The following RNF38 variants were observed in gnomAD, a reference collection of about 807,000 sequenced individuals.
The protein encoded by RNF38 is ring finger protein 38.
A neutral mutation model predicts 67.2 loss-of-function variants in RNF38; 15 were observed. That is an observed-to-expected ratio of 0.22 (90% CI 0.15 to 0.34). The LOEUF (loss-of-function observed/expected upper bound fraction) is 0.34. Among genes scored for constraint, RNF38 ranks in the 10% least tolerant of loss-of-function variants. RNF38 has a pLI of 1.00. For missense variants in RNF38, 524 were observed against 639.9 expected (o/e 0.82, Z 1.95); for synonymous variants, 220 against 218.8 (o/e 1.01, Z -0.05).
At chr9:36,367,671 C>T (rs921214106) in intron 4 of RNF38, among the ~76,000 whole-genome samples, 1 of 151,964 alleles carries the variant, frequency 6.6e-6, no homozygotes, top group Non-Finnish European at 1.5e-5. Context: ...TTATTTAAAA[C>T]TTTTTCATCT....
At position 36,344,813 on chromosome 9, in the gene RNF38, G is replaced by T; in HGVS notation, c.1385+19C>A. On this transcript the variant is annotated intron_variant, in intron 10 of 11. Transcript: ENST00000259605. ...GTAGAAAAGGAAATTTAGCAGTGAT[G>T]TCAGAAAAATTTACTTACAAAGTCT... is the stretch of plus-strand genomic sequence containing the variant. 1 of 1,607,960 alleles carries T rather than the reference G, an allele frequency of 6.2e-7. No homozygotes were observed. The highest frequency in any genetic ancestry group is 8.5e-7 in the Non-Finnish European group (1 of 1,175,994).
chr9:36,424,178 T>A (rs1206284002), intron 2 of RNF38, among the ~76,000 whole-genome samples: 4 of 152,088 alleles, frequency 2.6e-5, no homozygotes, highest in Admixed American at 1.3e-4. Context: ...GCCAAAAAAA[T>A]TTTTTGAAGG....
Position 36,352,812 on chromosome 9 carries a change from G to T in RNF38, c.1108C>A (p.Arg370Ser). 6.2e-7 allele frequency: 1 copy of T among 1,613,922 alleles called. No homozygotes were observed. The highest frequency in any genetic ancestry group is 8.5e-7 in the Non-Finnish European group (1 of 1,179,910). The change falls in exon 8 of 12, where the codon CGT (arginine) becomes AGT (serine). Residue 370 changes from arginine to serine, a missense_variant. By Grantham distance (110) the Arg-to-Ser change is moderately radical. Around this residue, in one of 2 missense-constraint regions of RNF38, gnomAD observed 461 missense variants for 517.4 expected, o/e 0.89. Coordinates refer to ENST00000259605, the MANE Select transcript of RNF38 (RefSeq NM_022781.5). ...GGCTGCTGGGATCGGTATCTACTAC[G>T]TCCTGTAAGCCTCCGAGGCATAAAT... ...PPFMPRRLTG[R>S]SRYRSQQPIP...
At chr9:36,411,362 T>C (rs1412955184) in intron 2 of RNF38, among the ~76,000 whole-genome samples, 1 of 152,104 alleles carries the variant, frequency 6.6e-6, no homozygotes, top group Non-Finnish European at 1.5e-5. Flanking sequence ...AGTATGGCAG[T>C]TCCTCACAAA....
chr9:36,381,140 C>T (rs368319097), intron 2 of RNF38, among the ~76,000 whole-genome samples: 11 of 152,198 alleles, frequency 7.2e-5, no homozygotes, highest in African/African-American at 2.4e-4. Flanking sequence ...CAGATTTTCA[C>T]GATCCATGCT....
intron 7 of RNF38, 149 bp from the exon 8 acceptor site, chr9:36,352,997 A>T: frequency 1.2e-6 from 1 of 804,070 alleles, no homozygotes; most frequent in Non-Finnish European, 2.0e-6. Flanking sequence ...TTATTAATGG[A>T]TGCAGCAACC....
chr9:36,433,942 TACTTATA>T (rs1838996291), intron 1 of RNF38, among the ~76,000 whole-genome samples: 1 of 151,522 alleles, frequency 6.6e-6, no homozygotes, highest in African/African-American at 2.4e-5. Flanking sequence ...CAGTGAAAAA[TACTTATA>T]ACTTTTAGGC....
rs551389636 is a variant in RNF38, at chr9:36,441,319, C to T, written n.242-16636G>A. Among the ~76,000 whole-genome samples the T allele has an allele frequency of 3.3e-5, 5 of 150,848 alleles. No homozygotes were observed. In the East Asian group the frequency reaches 9.7e-4, roughly 29 times the overall value. Reference sequence around the variant, plus strand: ...CAGGCTTTTCATCTGTTCTGGGTTACTAAATTACCAATTTTTTTTTTTTTT... The same window carrying T: ...CAGGCTTTTCATCTGTTCTGGGTTATTAAATTACCAATTTTTTTTTTTTTT... On this transcript the variant is annotated intron_variant and non_coding_transcript_variant, in intron 1 of 3. Transcript: ENST00000488058.
At position 36,346,041 on chromosome 9, in the gene RNF38, ATAT is replaced by A. The variant is rs375814353; in HGVS notation, c.1264-1091_1264-1089del. ...ATTCATTAAAAATGGCAAAACAGTA[ATAT>A]TCTTATTTTATCATTCTTCATTTAT... On this transcript the variant is annotated intron_variant, in intron 9 of 11. Coordinates refer to ENST00000259605, the MANE Select transcript of RNF38 (RefSeq NM_022781.5). 1.6e-4 allele frequency among the ~76,000 whole-genome samples: 24 copies of A among 152,364 alleles called. No individual in the cohort carries two copies. In the East Asian group the frequency reaches 4.0e-3, roughly 26 times the overall value.
chr9:36,349,374 T>C (rs201259402), intron 9 of RNF38, among the ~76,000 whole-genome samples: 260 of 152,356 alleles, frequency 1.7e-3, no homozygotes, highest in African/African-American at 6.1e-3. Flanking sequence ...ATTTCCCTGA[T>C]TGCAATGTTG....
At chr9:36,383,397 G>A (rs1836351375) in intron 2 of RNF38, among the ~76,000 whole-genome samples, 1 of 152,058 alleles carries the variant, frequency 6.6e-6, no homozygotes, top group Non-Finnish European at 1.5e-5. Context: ...TCACCATGTT[G>A]GCCAAGACAG....
At chr9:36,402,202 G>C (rs1467129406), upstream of RNF38, among the ~76,000 whole-genome samples, 1 of 152,278 alleles carries the variant, frequency 6.6e-6, no homozygotes, top group South Asian at 2.1e-4. Flanking sequence ...GACAAACAAA[G>C]AGAAGCTGGA....
intron 1 of RNF38, among the ~76,000 whole-genome samples, chr9:36,470,397 C>G (rs141056745): frequency 6.6e-6 from 1 of 152,278 alleles, no homozygotes; most frequent in East Asian, 1.9e-4. Context: ...AGGGGAGGCC[C>G]ACTGAAAGAG....
At chr9:36,364,308 A>G (rs1057112761) in intron 4 of RNF38, among the ~76,000 whole-genome samples, 3 of 152,198 alleles carry the variant, frequency 2.0e-5, no homozygotes, top group Admixed American at 6.5e-5. Flanking sequence ...AGCTTACATT[A>G]TAAGAATACA....
chr9:36,460,209 T>C (rs535617986), intron 1 of RNF38, among the ~76,000 whole-genome samples: 1 of 152,230 alleles, frequency 6.6e-6, no homozygotes, highest in East Asian at 1.9e-4. Context: ...TTAAAAACAG[T>C]AAAGAGCAAT....
At chr9:36,453,585 T>C (rs891336611) in intron 1 of RNF38, among the ~76,000 whole-genome samples, 20 of 152,132 alleles carry the variant, frequency 1.3e-4, no homozygotes, top group African/African-American at 4.8e-4. Flanking sequence ...GGTTTCACCA[T>C]GTTGGCCAAG....
In RNF38 at chr9:36,358,194, A is replaced by G. The variant is rs562252800; in HGVS notation, c.571-252T>C. ...ATGACTTGAAAAGCCCAGGGAAATA[A>G]TGGATTACTATATTAACTCTTCTAG... is the stretch of plus-strand genomic sequence containing the variant. On this transcript the variant is annotated intron_variant, in intron 4 of 11. Transcript: ENST00000259605. 3.3e-5 allele frequency among the ~76,000 whole-genome samples: 5 copies of G among 152,342 alleles called. No homozygotes were observed. In the South Asian group the frequency reaches 1.0e-3, roughly 32 times the overall value.
At chr9:36,397,781 C>T (rs1837649228) in intron 1 of RNF38, among the ~76,000 whole-genome samples, 2 of 152,162 alleles carry the variant, frequency 1.3e-5, no homozygotes, top group African/African-American at 4.8e-5. Flanking sequence ...TTTAAATAAA[C>T]TTTTCTTTCC....
intron 2 of RNF38, among the ~76,000 whole-genome samples, chr9:36,383,263 G>A (rs968105842): frequency 3.9e-5 from 6 of 152,078 alleles, no homozygotes; most frequent in East Asian, 3.9e-4. Flanking sequence ...GTGCAGTGGC[G>A]CGATCTCAGC....
Sources: gnomAD v4.1 joint callset for allele counts (sites outside exome capture counted in the v4.1 genomes callset) on GRCh38, gnomAD v4.1.1 for gene constraint, gnomAD v4.1.1 regional missense constraint, MANE v1.5 for transcripts, NCBI Gene and HGNC (gene_info 2026-07-23, HGNC 2026-07-21) for gene names.